The following DCHS2 variants were observed in gnomAD, a reference collection of about 807,000 sequenced individuals.
DCHS2 encodes the protein dachsous cadherin-related 2, also known as protocadherin-23.
A neutral mutation model predicts 182.4 loss-of-function variants in DCHS2; 142 were observed. That is an observed-to-expected ratio of 0.78 (90% CI 0.68 to 0.89). The LOEUF (loss-of-function observed/expected upper bound fraction) is 0.89. DCHS2 is among the 40% of genes least tolerant of loss of function. The pLI is 0.00. For missense variants in DCHS2, 4,319 were observed against 4,198.6 expected, an observed-to-expected ratio of 1.03 and a Z score of -0.79; for synonymous variants, 1,740 against 1,663.3, an observed-to-expected ratio of 1.05 and a Z score of -1.12.
chr4:154,374,797 A>C (rs1031080845), intron 2 of DCHS2, among the ~76,000 whole-genome samples: 2 of 152,194 alleles, frequency 1.3e-5, no homozygotes, highest in African/African-American at 2.4e-5. Context: ...TAAGCAGATG[A>C]AAAAGAAACA....
chr4:154,433,394 C>CTTTTT (rs1553951910), intron 1 of DCHS2, among the ~76,000 whole-genome samples: 18 of 48,852 alleles, frequency 3.7e-4, no homozygotes, highest in South Asian at 5.8e-4. Context: ...TTTTTTTTTT[C>CTTTTT]CTTTTTTTTT....
At chr4:154,281,812 T>C (rs951438178) in intron 13 of DCHS2, among the ~76,000 whole-genome samples, 1 of 152,148 alleles carries the variant, frequency 6.6e-6, no homozygotes, top group African/African-American at 2.4e-5. Context: ...AAATGTATGA[T>C]ACTGGAATAA....
At position 154,377,355 on chromosome 4, in the gene DCHS2, T is replaced by G. The variant is rs779209232; in HGVS notation, c.2142A>C (p.Ala714=). The part of the protein sequence containing the change: ...DGFLSYEAPQ[A]FRIDPHDGQI... ...GCCCATCATGAGGGTCGATCCGGAATGCCTGAGGTGCTTCATAGCTCAGGA... is the reference window on the plus strand; with the variant it reads ...GCCCATCATGAGGGTCGATCCGGAAGGCCTGAGGTGCTTCATAGCTCAGGA... Residue 714 remains alanine, a synonymous_variant, in exon 2 of 20, where the codon GCA becomes GCC. Transcript: ENST00000357232. The G allele has an allele frequency of 1.2e-6, 2 of 1,613,694 alleles. No homozygotes were observed. Among genetic ancestry groups the G allele is most frequent in the Non-Finnish European group, 1.7e-6 (2 of 1,179,728 alleles).
intron 3 of DCHS2, among the ~76,000 whole-genome samples, chr4:154,358,668 T>C (rs532698805): frequency 6.6e-6 from 1 of 152,254 alleles, no homozygotes; most frequent in South Asian, 2.1e-4. Context: ...CTTGTTGTTC[T>C]ATATTATATA....
intron 1 of DCHS2, among the ~76,000 whole-genome samples, chr4:154,461,598 A>G (rs1735011623): frequency 6.6e-6 from 1 of 152,218 alleles, no homozygotes; most frequent in Non-Finnish European, 1.5e-5. Flanking sequence ...AACTTAGAAT[A>G]GAAGGTATAT....
rs1373484773 is a variant in DCHS2 at position 154,490,967 on chromosome 4, C to A, written c.389G>T (p.Arg130Leu). The A allele has an allele frequency of 6.4e-7, 1 of 1,550,392 alleles. No homozygotes were observed. Among genetic ancestry groups the A allele is most frequent in the Middle Eastern group, 1.7e-4 (1 of 5,986 alleles). Residue 130 changes from arginine to leucine, a missense_variant, in exon 1 of 20, where the codon CGC becomes CTC. Physicochemically the swap from Arg to Leu is moderately radical, Grantham distance 102. Transcript: ENST00000357232. ...PDTGIIRTAR[R>L]LDRERRDHYS... ...GTGGTCCCGCCGCTCGCGGTCCAGG[C>A]GCCGCGCAGTGCGGATGATGCCGGT...
At position 154,305,195 on chromosome 4, in the gene DCHS2, C is replaced by T; in HGVS notation, c.5297G>A (p.Gly1766Asp). ...TATCTCGAATAATTCAAATGAAGCA[C>T]CTGGCATGATTTCAAACTGAAGCTT... ...NSKLQFEIMP[G>D]ASFELFEINS... Residue 1766 changes from glycine (G) to aspartate (D), a missense_variant, in exon 11 of 20, where the codon GGT becomes GAT. By Grantham distance (94) the Gly-to-Asp change is moderately conservative. Transcript: ENST00000357232. 5 of 1,612,526 alleles carry T rather than the reference C, an allele frequency of 3.1e-6. No homozygotes were observed. Among genetic ancestry groups the T allele is most frequent in the Non-Finnish European group, 4.2e-6 (5 of 1,179,370 alleles).
intron 1 of DCHS2, among the ~76,000 whole-genome samples, chr4:154,474,042 T>C (rs1735587098): frequency 6.6e-6 from 1 of 152,100 alleles, no homozygotes; most frequent in Admixed American, 6.5e-5. Flanking sequence ...CTCCAAGGGC[T>C]CTAAGGAACA....
rs1333551375 is a variant in DCHS2 at position 154,490,035 on chromosome 4, C to A, written c.1321G>T (p.Val441Leu). The change falls in exon 1 of 20, where the codon GTG (valine) becomes TTG (leucine). Residue 441 changes from valine to leucine, a missense_variant. Physicochemically the swap from Val to Leu is conservative, Grantham distance 32. Coordinates refer to ENST00000357232, the MANE Select transcript of DCHS2 (RefSeq NM_001358235.2). ...RPGDYVARVSVSDADGDWEKE... is the reference protein window; with the variant it reads ...RPGDYVARVSLSDADGDWEKE... ...TCCCAGTCACCGTCCGCGTCAGACACCGAGACGCGAGCCACGTAGTCGCCC... is the reference window on the plus strand; with the variant it reads ...TCCCAGTCACCGTCCGCGTCAGACAACGAGACGCGAGCCACGTAGTCGCCC... 2 of 1,547,852 alleles carry A rather than the reference C, an allele frequency of 1.3e-6. No homozygotes were observed. Among genetic ancestry groups the A allele is most frequent in the Non-Finnish European group, 1.7e-6 (2 of 1,146,958 alleles).
chr4:154,419,858 G>T (rs1298252311), intron 1 of DCHS2, among the ~76,000 whole-genome samples: 1 of 151,374 alleles, frequency 6.6e-6, no homozygotes, highest in Non-Finnish European at 1.5e-5. Context: ...ACGTATGAGT[G>T]GACAAGGATT....
intron 1 of DCHS2, among the ~76,000 whole-genome samples, chr4:154,411,855 T>G (rs1424277125): frequency 6.6e-6 from 1 of 152,184 alleles, no homozygotes; most frequent in East Asian, 1.9e-4. Flanking sequence ...CAAAATACAT[T>G]TTATTTTTCT....
intron 13 of DCHS2, among the ~76,000 whole-genome samples, chr4:154,274,530 T>C (rs1284038997): frequency 2.6e-5 from 4 of 152,202 alleles, no homozygotes; most frequent in Non-Finnish European, 5.9e-5. Flanking sequence ...ATTTGTATTG[T>C]ATATGTTTTA....
Position 154,342,800 on chromosome 4 carries a change from C to T in DCHS2, c.2477-7696G>A, listed in dbSNP as rs1164791264. ...ACTTCTTCCAAACTCCTATGTTAAC[C>T]TCCCTCCATGAATCACAAATGTTCT... is the stretch of plus-strand genomic sequence containing the variant. On this transcript the variant is annotated intron_variant, in intron 3 of 19. Coordinates refer to ENST00000357232, the MANE Select transcript of DCHS2 (RefSeq NM_001358235.2). Among the ~76,000 whole-genome samples, 3 of 152,100 alleles carry T rather than the reference C, an allele frequency of 2.0e-5. No individual in the cohort carries two copies. The East Asian group carries it at 5.8e-4, about 29-fold the overall frequency.
At chr4:154,415,723 G>A (rs1484036602) in intron 1 of DCHS2, among the ~76,000 whole-genome samples, 1 of 152,054 alleles carries the variant, frequency 6.6e-6, no homozygotes, top group Non-Finnish European at 1.5e-5. Context: ...AACCGAGGTC[G>A]GTGAGGAAAA....
intron 13 of DCHS2, among the ~76,000 whole-genome samples, chr4:154,272,766 A>C (rs1207614601): frequency 2.0e-5 from 3 of 152,152 alleles, no homozygotes; most frequent in Non-Finnish European, 2.9e-5. Context: ...TAACATCCAC[A>C]TTGATTGGTA....
At chr4:154,383,095 A>G (rs1338655471) in intron 1 of DCHS2, among the ~76,000 whole-genome samples, 3 of 152,242 alleles carry the variant, frequency 2.0e-5, no homozygotes, top group South Asian at 2.1e-4. Flanking sequence ...CTAGGGACCC[A>G]TCAATGGTGG....
intron 2 of DCHS2, chr4:154,373,999 T>G: frequency 2.4e-6 from 2 of 824,236 alleles, no homozygotes; most frequent in Admixed American, 5.9e-5. Context: ...GATATTTTAA[T>G]AGCAAAAAAA....
rs554047475 is a variant in DCHS2, at chr4:154,455,227, A to G, written c.2052+34077T>C. Among the ~76,000 whole-genome samples, 6 of 152,270 alleles carry G rather than the reference A, an allele frequency of 3.9e-5. No individual in the cohort carries two copies. The East Asian group carries it at 1.2e-3, about 29-fold the overall frequency. On this transcript the variant is annotated intron_variant, in intron 1 of 19. Coordinates refer to ENST00000357232, the MANE Select transcript of DCHS2 (RefSeq NM_001358235.2). ...ATTTCCTTCTTTGAATTTATAATTC[A>G]TTTACCAACCATTTAGGCTCAGTAA...
At chr4:154,276,102 G>A (rs1733843603) in intron 13 of DCHS2, among the ~76,000 whole-genome samples, 2 of 152,052 alleles carry the variant, frequency 1.3e-5, no homozygotes, top group Non-Finnish European at 1.5e-5. Context: ...TCTGCTTACT[G>A]TGAAAATTTT....
Sources: gnomAD v4.1 joint callset for allele counts (sites outside exome capture counted in the v4.1 genomes callset) on GRCh38, gnomAD v4.1.1 for gene constraint, MANE v1.5 for transcripts, NCBI Gene and HGNC (gene_info 2026-07-23, HGNC 2026-07-21) for gene names.